Variants in PDE7B observed in about 807,000 individuals in gnomAD.
The protein encoded by PDE7B is 3',5'-cyclic-AMP phosphodiesterase 7B.
Under a neutral mutation model 56.2 loss-of-function variants are expected in PDE7B, and 29 were observed. That is an observed-to-expected ratio of 0.52 (90% CI 0.38 to 0.70). The LOEUF (loss-of-function observed/expected upper bound fraction) is 0.70. Ranked by LOEUF, PDE7B falls within the 30% of genes least tolerant of loss-of-function variation. The probability of loss-of-function intolerance (pLI) is 0.00; values close to 1 mark genes in which losing one functional copy is unlikely to be tolerated. For missense variants in PDE7B, 490 were observed against 565.0 expected (o/e 0.87, Z 1.35); for synonymous variants, 197 against 196.9 (o/e 1.00, Z 0.00).
At chr6:135,862,140 G>A (rs1039458483) in intron 1 of PDE7B, among the ~76,000 whole-genome samples, 1 of 151,698 alleles carries the variant, frequency 6.6e-6, no homozygotes, top group Non-Finnish European at 1.5e-5. Flanking sequence ...TTGTTGAAGG[G>A]GTAATCGTGG....
rs1380283106 is a variant in PDE7B at position 135,877,404 on chromosome 6, G to A, written c.21+25385G>A. ...CTTAGATATCCTGTACCATTCAGATGTCAGTTTCAGATTTGGGCTTTCAAT... is the reference window on the plus strand; with the variant it reads ...CTTAGATATCCTGTACCATTCAGATATCAGTTTCAGATTTGGGCTTTCAAT... On this transcript the variant is annotated intron_variant, in intron 1 of 12. Coordinates refer to ENST00000308191, the MANE Select transcript of PDE7B (RefSeq NM_018945.4). Among the ~76,000 whole-genome samples, 4 of 131,202 alleles carry A rather than the reference G, an allele frequency of 3.0e-5. No individual in the cohort carries two copies. In the East Asian group the frequency reaches 8.8e-4, roughly 29 times the overall value. The allele number at this position is 131,202 out of a possible 152,430, so 86.1% of individuals were successfully genotyped here.
At chr6:136,104,377 T>C (rs1425352173) in intron 2 of PDE7B, among the ~76,000 whole-genome samples, 2 of 152,042 alleles carry the variant, frequency 1.3e-5, no homozygotes, top group Non-Finnish European at 2.9e-5. Context: ...AAAATAATTG[T>C]TTAGCTTGGA....
At chr6:136,063,241 G>T (rs1363922630) in intron 2 of PDE7B, among the ~76,000 whole-genome samples, 1 of 152,208 alleles carries the variant, frequency 6.6e-6, no homozygotes, top group Non-Finnish European at 1.5e-5. Flanking sequence ...GGAAGAGCAT[G>T]TGGAGTTACT....
At chr6:136,186,200 G>C (rs920294235) in intron 11 of PDE7B, among the ~76,000 whole-genome samples, 1 of 152,016 alleles carries the variant, frequency 6.6e-6, no homozygotes, top group Non-Finnish European at 1.5e-5. Flanking sequence ...AGGATAGCTT[G>C]AGCTCAGAAG....
intron 3 of PDE7B, among the ~76,000 whole-genome samples, chr6:136,120,455 C>T (rs1777909722): frequency 6.6e-6 from 1 of 151,706 alleles, no homozygotes; most frequent in Admixed American, 6.6e-5. Context: ...ATGGAATAGA[C>T]CAGAAAAATC....
intron 1 of PDE7B, among the ~76,000 whole-genome samples, chr6:135,868,169 T>A (rs1410847280): frequency 6.6e-6 from 1 of 152,120 alleles, no homozygotes; most frequent in African/African-American, 2.4e-5. Flanking sequence ...CATAGCTTTT[T>A]TTTTTTTCTA....
chr6:136,012,915 G>C (rs999866629), intron 2 of PDE7B, among the ~76,000 whole-genome samples: 2 of 152,106 alleles, frequency 1.3e-5, no homozygotes, highest in Non-Finnish European at 2.9e-5. Context: ...TTTCACTGTG[G>C]AGAGCAGAAT....
chr6:135,892,626 T>C (rs941213536), intron 1 of PDE7B, among the ~76,000 whole-genome samples: 1 of 152,184 alleles, frequency 6.6e-6, no homozygotes, highest in Non-Finnish European at 1.5e-5. Flanking sequence ...ACCTCTTCTA[T>C]ATTATTCAAA....
intron 1 of PDE7B, among the ~76,000 whole-genome samples, chr6:135,904,490 A>G (rs1355018502): frequency 6.6e-6 from 1 of 152,130 alleles, no homozygotes; most frequent in African/African-American, 2.4e-5. Flanking sequence ...CTTATAGACA[A>G]CAGATTACCC....
intron 1 of PDE7B, among the ~76,000 whole-genome samples, chr6:135,930,507 G>A: frequency 6.6e-6 from 1 of 152,176 alleles, no homozygotes; most frequent in East Asian, 1.9e-4. Flanking sequence ...TGGGGCAGCT[G>A]TGCAGAAATC....
chr6:136,050,397 C>T (rs1174866001), intron 2 of PDE7B, among the ~76,000 whole-genome samples: 3 of 138,156 alleles, frequency 2.2e-5, no homozygotes, highest in Non-Finnish European at 3.1e-5. Flanking sequence ...AAGAGATAGA[C>T]GTTCACCAGA....
At chr6:135,941,643 T>C (rs1474593869) in intron 1 of PDE7B, among the ~76,000 whole-genome samples, 1 of 152,246 alleles carries the variant, frequency 6.6e-6, no homozygotes, top group African/African-American at 2.4e-5. Flanking sequence ...AAACATCTAA[T>C]TCCCTTTATT....
chr6:136,179,152 C>A lies in PDE7B; in HGVS notation c.948+11C>A. 4 of 1,612,138 alleles carry A rather than the reference C, an allele frequency of 2.5e-6. No individual in the cohort carries two copies. The highest frequency in any genetic ancestry group is 3.4e-6 in the Non-Finnish European group (4 of 1,178,550). ...CACTTTATGCTTCAGGTAAACGAAACAATAAAAGCCATTCTTTTTGCTGAG... is the reference window on the plus strand; with the variant it reads ...CACTTTATGCTTCAGGTAAACGAAAAAATAAAAGCCATTCTTTTTGCTGAG... On this transcript the variant is annotated intron_variant, in intron 10 of 12. Coordinates refer to ENST00000308191, the MANE Select transcript of PDE7B (RefSeq NM_018945.4).
intron 1 of PDE7B, among the ~76,000 whole-genome samples, chr6:135,885,466 A>G (rs967826096): frequency 6.6e-6 from 1 of 152,126 alleles, no homozygotes; most frequent in African/African-American, 2.4e-5. Context: ...CTCTTCCCAC[A>G]TCAACATGTC....
chr6:135,938,722 T>A (rs1317062787), intron 1 of PDE7B, among the ~76,000 whole-genome samples: 1 of 152,148 alleles, frequency 6.6e-6, no homozygotes, highest in Non-Finnish European at 1.5e-5. Context: ...TAAGACGCAA[T>A]GACTCTGAGC....
intron 2 of PDE7B, among the ~76,000 whole-genome samples, chr6:136,068,683 G>A (rs1266036531): frequency 6.6e-6 from 1 of 151,902 alleles, no homozygotes; most frequent in South Asian, 2.1e-4. Context: ...CACCCGCCTC[G>A]GCCTCCCAAA....
chr6:135,852,252 G>T (rs1243683567), intron 1 of PDE7B, among the ~76,000 whole-genome samples: 1 of 151,914 alleles, frequency 6.6e-6, no homozygotes, highest in African/African-American at 2.4e-5. Flanking sequence ...ATTCCAACCA[G>T]TGTAATGAGA....
rs139277615 is a variant in PDE7B, at chr6:135,993,618, T to C, written c.82+46094T>C. ...CCTAACCATTTCTATGAGGAGGCCT[T>C]GTGTAATTTCAAAGCAAGCCAGAAA... is the stretch of plus-strand genomic sequence containing the variant. On this transcript the variant is annotated intron_variant, in intron 2 of 12. Coordinates refer to ENST00000308191, the MANE Select transcript of PDE7B (RefSeq NM_018945.4). 1.6e-3 allele frequency among the ~76,000 whole-genome samples: 243 copies of C among 152,296 alleles called. 1 individual carries two copies. The East Asian group carries it at 0.028, about 17-fold the overall frequency.
chr6:136,079,694 A>G (rs1777175690), intron 2 of PDE7B, among the ~76,000 whole-genome samples: 1 of 150,878 alleles, frequency 6.6e-6, no homozygotes, highest in African/African-American at 2.5e-5. Context: ...GGAAGTCGCA[A>G]CTGAAGAGAC....
Sources: allele counts gnomAD v4.1 joint callset (sites outside exome capture counted in the v4.1 genomes callset), GRCh38; gene constraint gnomAD v4.1.1; transcripts MANE v1.5; gene names NCBI Gene and HGNC (gene_info 2026-07-23, HGNC 2026-07-21).